The following ZFX variants were observed in gnomAD, a reference collection of about 807,000 sequenced individuals.
The protein encoded by ZFX is zinc finger X-chromosomal protein.
For missense variants in ZFX, 362 were observed against 628.3 expected (o/e 0.58, Z 4.53); for synonymous variants, 196 against 226.8 (o/e 0.86, Z 1.22).
chrX:24,149,927 CCGAGGAGGCCG>C (rs1931775489), intron 1 of ZFX, 133 bp downstream of exon 1: 1 of 108,642 alleles, frequency 9.2e-6, no homozygotes, highest in African/African-American at 3.3e-5. Context: ...CGAGCAGGCC[CCGAGGAGGCCG>C]CAGTTAGGCC....
At chrX:24,205,636 C>T (rs1225490320) in intron 5 of ZFX, among the ~76,000 whole-genome samples, 1 of 111,904 alleles carries the variant, frequency 8.9e-6, no homozygotes, top group Non-Finnish European at 1.9e-5. Flanking sequence ...GGGTGGATCA[C>T]TTGAGGTCAG....
At chrX:24,180,996 G>A (rs765303515) in intron 5 of ZFX, among the ~76,000 whole-genome samples, 1 of 112,109 alleles carries the variant, frequency 8.9e-6, no homozygotes, top group South Asian at 3.7e-4. Flanking sequence ...GACCCAGTGT[G>A]GAAATTCTTA....
intron 4 of ZFX, 47 bp downstream of exon 4, chrX:24,172,847 T>C: frequency 9.0e-7 from 1 of 1,113,316 alleles, no homozygotes. Flanking sequence ...AGATTTGGAG[T>C]TGGTTGTCAT....
chrX:24,208,566 T>G (rs1338091076), intron 8 of ZFX, among the ~76,000 whole-genome samples, 196 bp downstream of exon 8: 1 of 112,703 alleles, frequency 8.9e-6, no homozygotes, highest in Non-Finnish European at 1.9e-5. Flanking sequence ...CATGTGTATA[T>G]TATGTAGAAG....
Position 24,179,215 on chromosome X carries a change from ATTG to A in ZFX, c.96_98del (p.Val33del), listed in dbSNP as rs1378658937. ...TGGTACACACATGGATGGTGATCAAATTGTTGTGGAAGTACAAGAAACTGTTTT... is the reference window on the plus strand; with the variant it reads ...TGGTACACACATGGATGGTGATCAAATTGTGGAAGTACAAGAAACTGTTTT... On this transcript the variant is annotated inframe_deletion, in exon 5 of 10. Transcript: ENST00000304543. 3.3e-6 allele frequency: 4 copies of A among 1,211,584 alleles called. No individual in the cohort carries two copies. The highest frequency in any genetic ancestry group is 4.5e-6 in the Non-Finnish European group (4 of 895,376).
intron 5 of ZFX, among the ~76,000 whole-genome samples, chrX:24,190,839 C>T (rs1936480751): frequency 8.9e-6 from 1 of 112,285 alleles, no homozygotes; most frequent in Non-Finnish European, 1.9e-5. Context: ...TGAATGAATT[C>T]GGGCAAGTTA....
At chrX:24,155,467 CTGTT>C (rs1188888503) in intron 3 of ZFX, among the ~76,000 whole-genome samples, 1 of 111,900 alleles carries the variant, frequency 8.9e-6, no homozygotes, top group Non-Finnish European at 1.9e-5. Flanking sequence ...CCGATAGAAA[CTGTT>C]TGCAGTTTCT....
intron 4 of ZFX, 162 bp downstream of exon 4, chrX:24,172,962 A>G (rs1934766111): frequency 7.3e-6 from 3 of 413,385 alleles, no homozygotes; most frequent in Non-Finnish European, 3.8e-6. Context: ...CCCTCCTCAA[A>G]GATGTGGCTC....
intron 3 of ZFX, among the ~76,000 whole-genome samples, chrX:24,165,160 C>T (rs768014630): frequency 1.8e-5 from 2 of 112,046 alleles, no homozygotes; most frequent in Non-Finnish European, 3.8e-5. Flanking sequence ...CTCGCTCTAT[C>T]ACCAGGCTGG....
At chrX:24,167,915 A>G (rs1934157928) in intron 3 of ZFX, among the ~76,000 whole-genome samples, 1 of 112,043 alleles carries the variant, frequency 8.9e-6, no homozygotes, top group Non-Finnish European at 1.9e-5. Context: ...ATGTGAGAAG[A>G]GAACTTGTTA....
rs896106423 is a variant in ZFX, at chrX:24,209,127, G to C, written c.1234+87G>C. ...ATGTATCCACAGGGGTGTCACAATG[G>C]CATTTTAGCTGCTAGACCATATATA... On this transcript the variant is annotated intron_variant, in intron 9 of 9. Transcript: ENST00000304543. The C allele has an allele frequency of 2.6e-6, 3 of 1,165,715 alleles. No homozygotes were observed. The African/African-American group carries it at 5.3e-5, about 21-fold the overall frequency.
chrX:24,157,454 A>G (rs1465828052), intron 3 of ZFX, among the ~76,000 whole-genome samples: 1 of 112,327 alleles, frequency 8.9e-6, no homozygotes, highest in Non-Finnish European at 1.9e-5. Flanking sequence ...GGCAGCAGTC[A>G]TGATGTAGTT....
intron 3 of ZFX, among the ~76,000 whole-genome samples, chrX:24,162,272 T>C (rs774526635): frequency 9.0e-6 from 1 of 111,554 alleles, no homozygotes; most frequent in Non-Finnish European, 1.9e-5. Context: ...TAATTACTCT[T>C]ATCAGTGGGA....
At chrX:24,196,838 T>A (rs754538955) in intron 5 of ZFX, among the ~76,000 whole-genome samples, 1 of 111,589 alleles carries the variant, frequency 9.0e-6, no homozygotes, top group South Asian at 3.7e-4. Context: ...TAAGTGATCC[T>A]CCCACCTTGG....
rs1938327089 is a variant in ZFX, at chrX:24,214,416, A to C, written c.*3040A>C. The C allele has an allele frequency of 8.9e-6, 1 of 112,692 alleles. No homozygotes were observed. The highest frequency in any genetic ancestry group is 2.8e-4 in the East Asian group (1 of 3,615). 9.3% of individuals were successfully genotyped at this position (112,692 alleles called of 1,213,427 possible). A position where few individuals can be genotyped will look rare whatever the true frequency, so the allele number is the denominator to read the frequency against. The stretch of plus-strand genomic sequence containing the variant: ...AATATTTTCCTGTTATTGAATGTTT[A>C]GTCTATTTGATACCAGTACTAAGTT... On this transcript the variant is annotated 3_prime_UTR_variant, in exon 10 of 10. Coordinates refer to ENST00000304543, the MANE Select transcript of ZFX (RefSeq NM_003410.4).
At chrX:24,168,413 C>T (rs908274520) in intron 3 of ZFX, among the ~76,000 whole-genome samples, 7 of 111,539 alleles carry the variant, frequency 6.3e-5, no homozygotes, top group Non-Finnish European at 9.4e-5. Flanking sequence ...TTAACTTGCC[C>T]AAGAGGGAGA....
At chrX:24,185,661 G>C (rs1013161768) in intron 5 of ZFX, among the ~76,000 whole-genome samples, 2 of 112,149 alleles carry the variant, frequency 1.8e-5, no homozygotes, top group African/African-American at 6.5e-5. Flanking sequence ...ATGTTGGCCA[G>C]GCTGGTCTCA....
intron 5 of ZFX, among the ~76,000 whole-genome samples, chrX:24,181,204 A>T (rs981432336): frequency 1.8e-5 from 2 of 112,835 alleles, no homozygotes; most frequent in Non-Finnish European, 3.7e-5. Flanking sequence ...TTTGAAAATC[A>T]AAGAATTATT....
Position 24,179,508 on chromosome X carries a change from T to C in ZFX, c.384T>C (p.Ser128=). The change falls in exon 5 of 10, where the codon TCT becomes TCC. Residue 128 remains serine (S), a synonymous_variant. Transcript: ENST00000304543. ...LASDITSASM[S]MPEHVLTGDS... is the part of the protein sequence containing the mutation. ...CTGACATTACTTCAGCCTCAATGTC[T>C]ATGCCAGAACACGTCTTGACGGGTG... The C allele has an allele frequency of 8.2e-7, 1 of 1,212,448 alleles. No homozygotes were observed. The highest frequency in any genetic ancestry group is 1.1e-6 in the Non-Finnish European group (1 of 895,694).
Sources: allele counts gnomAD v4.1 joint callset (sites outside exome capture counted in the v4.1 genomes callset), GRCh38; gene constraint gnomAD v4.1.1; transcripts MANE v1.5; gene names NCBI Gene and HGNC (gene_info 2026-07-23, HGNC 2026-07-21).